Variants in CCDC142 observed in about 807,000 individuals in gnomAD.
The protein encoded by CCDC142 is coiled-coil domain containing 142.
In CCDC142, 67 loss-of-function variants were observed where a neutral mutation model predicts 83.8. That is an observed-to-expected ratio of 0.80 (90% CI 0.66 to 0.98). The LOEUF is 0.98. CCDC142 is among the 50% of genes least tolerant of loss of function. The pLI is 0.00. For missense variants in CCDC142, 905 were observed against 946.8 expected (o/e 0.96, Z 0.58); for synonymous variants, 421 against 421.2 (o/e 1.00, Z 0.01).
rs1168433806 is a variant in CCDC142 at position 74,473,478 on chromosome 2, G to C, written c.*1068C>G. Among the ~76,000 whole-genome samples, 1 of 151,098 alleles carries C rather than the reference G, an allele frequency of 6.6e-6. No homozygotes were observed. Among genetic ancestry groups the C allele is most frequent in the Non-Finnish European group, 1.5e-5 (1 of 67,738 alleles). ...TGGGACTACAGGCGCGTGCCACCAC[G>C]CCCGGCTAATTTTTTGTATTTTTAG... On this transcript the variant is annotated 3_prime_UTR_variant, in exon 9 of 9. Coordinates refer to ENST00000393965, the MANE Select transcript of CCDC142 (RefSeq NM_001365575.2).
In CCDC142 at chr2:74,475,282, A is replaced by T; in HGVS notation, c.1739T>A (p.Leu580Gln). Residue 580 changes from leucine (L) to glutamine (Q), a missense_variant, in exon 7 of 9, where the codon CTG becomes CAG. Transcript: ENST00000393965. ...AAGCCAGGCACCCACGATGGCCGTC[A>T]GAGCCTGACCAAGGGCAGGGGCCTG... ...QAQAPALGQA[L>Q]TAIVGAWLDH... is the part of the protein sequence containing the mutation. 6.2e-7 allele frequency: 1 copy of T among 1,614,270 alleles called. No individual in the cohort carries two copies. The highest frequency in any genetic ancestry group is 8.5e-7 in the Non-Finnish European group (1 of 1,180,044).
Position 74,482,445 on chromosome 2 carries a change from G to A in CCDC142, c.393C>T (p.Ser131=), listed in dbSNP as rs202133387. The part of the protein sequence containing the change: ...LMKTLSPGSP[S]GGPSPLPQWC... ...ACTGGGGCAAGGGGCTAGGGCCGCC[G>A]GATGGCGAGCCAGGACTCAGGGTCT... is the stretch of plus-strand genomic sequence containing the variant. Residue 131 remains serine, a synonymous_variant, in exon 1 of 9, where the codon TCC becomes TCT. Transcript: ENST00000393965. This position sits in a 1 kb window ranked among gnomAD's most constrained non-coding sequence, Gnocchi z 5.0. 8.1e-4 allele frequency: 1,260 copies of A among 1,553,472 alleles called. 2 individuals carry two copies. The highest frequency in any genetic ancestry group is 1.6e-3 in the Admixed American group (82 of 51,060).
chr2:74,478,748 C>T (rs1244080979), intron 5 of CCDC142, among the ~76,000 whole-genome samples: 3 of 150,962 alleles, frequency 2.0e-5, no homozygotes, highest in East Asian at 2.0e-4. Flanking sequence ...GGGCATTGGC[C>T]GGGTGTGGTG....
intron 5 of CCDC142, among the ~76,000 whole-genome samples, chr2:74,478,448 C>T (rs1348725563): frequency 6.6e-6 from 1 of 151,724 alleles, no homozygotes; most frequent in Non-Finnish European, 1.5e-5. Context: ...GCTATCTCGG[C>T]TCACTGCAAC....
chr2:74,478,182 C>G (rs1406891228), intron 5 of CCDC142, among the ~76,000 whole-genome samples: 1 of 150,570 alleles, frequency 6.6e-6, no homozygotes, highest in Non-Finnish European at 1.5e-5. Context: ...CTGCCTCAGC[C>G]TCCCGAGTAG....
chr2:74,480,882 G>A lies in CCDC142; in HGVS notation c.1390C>T (p.Pro464Ser), dbSNP rs769838239. 3.7e-6 allele frequency: 6 copies of A among 1,613,770 alleles called. No individual in the cohort carries two copies. In the South Asian group the frequency reaches 6.6e-5, roughly 18 times the overall value. The change falls in exon 5 of 9, where the codon CCT becomes TCT. Residue 464 changes from proline (P) to serine (S), a missense_variant and splice_region_variant. By Grantham distance (74) the Pro-to-Ser change is moderately conservative. Around this residue, in one of 3 missense-constraint regions of CCDC142, gnomAD observed 49 missense variants for 86.4 expected, o/e 0.57. Coordinates refer to ENST00000393965, the MANE Select transcript of CCDC142 (RefSeq NM_001365575.2). ...FLLLIQKDLPPLLHEAEALYS... is the reference protein window; with the variant it reads ...FLLLIQKDLPSLLHEAEALYS... ...AAAGCTTCTGCCTCATGCAACAGAGGCTTTGGGTGGAAACAGGGAGTGAGG... is the reference window on the plus strand; with the variant it reads ...AAAGCTTCTGCCTCATGCAACAGAGACTTTGGGTGGAAACAGGGAGTGAGG...
intron 5 of CCDC142, among the ~76,000 whole-genome samples, chr2:74,476,044 A>AACACACACACACACACACACAC (rs58719599): frequency 4.1e-5 from 4 of 97,698 alleles, no homozygotes; most frequent in African/African-American, 1.2e-4. Context: ...CCACCCCCGC[A>AACACACACACACACACACACAC]ACACACACAC....
rs1350844625 is a variant in CCDC142, at chr2:74,481,226, C to T, written c.1255G>A (p.Ala419Thr). 6.2e-7 allele frequency: 1 copy of T among 1,613,986 alleles called. No homozygotes were observed. Among genetic ancestry groups the T allele is most frequent in the East Asian group, 2.2e-5 (1 of 44,880 alleles). Residue 419 changes from alanine (A) to threonine (T), a missense_variant, in exon 3 of 9, where the codon GCA becomes ACA. Around this residue, in one of 3 missense-constraint regions of CCDC142, gnomAD observed 591 missense variants for 571.4 expected, o/e 1.03. Coordinates refer to ENST00000393965, the MANE Select transcript of CCDC142 (RefSeq NM_001365575.2). ...CAGCCCCAGCCCCTCGTCTCACCTGCAGGCTGGCAGAAAATCCGTCGTAAC... is the reference window on the plus strand; with the variant it reads ...CAGCCCCAGCCCCTCGTCTCACCTGTAGGCTGGCAGAAAATCCGTCGTAAC... Reference protein sequence around the residue: ...PRLRRIFCQPADPAPVALGLC... With the variant: ...PRLRRIFCQPTDPAPVALGLC...
In CCDC142 at chr2:74,475,307, G is replaced by A. The variant is rs747102564; in HGVS notation, c.1714C>T (p.Gln572Ter). 6.2e-6 allele frequency: 10 copies of A among 1,614,010 alleles called. No homozygotes were observed. In the African/African-American group the frequency reaches 1.2e-4, roughly 19 times the overall value. ...AGAGCCTGACCAAGGGCAGGGGCCT[G>A]GGCTTGAGGTGGCAACCCTTGCAAT... is the stretch of plus-strand genomic sequence containing the variant. The part of the protein sequence containing the change: ...QGLQGLPPQA[Q>*]APALGQALTA... Residue 572 changes from glutamine to a stop codon, truncating the protein, a stop_gained, in exon 7 of 9, where the codon CAG becomes TAG. Coordinates refer to ENST00000393965, the MANE Select transcript of CCDC142 (RefSeq NM_001365575.2). LOFTEE classifies it high-confidence loss of function.
chr2:74,481,436 G>A lies in CCDC142; in HGVS notation c.1108+16C>T, dbSNP rs1470875967. Reference sequence around the variant, plus strand: ...ACCTGGGACTTATGTCACCCCCAGTGCCCCTTCCTTCTCACCTTGGTCCCA... The same window carrying A: ...ACCTGGGACTTATGTCACCCCCAGTACCCCTTCCTTCTCACCTTGGTCCCA... On this transcript the variant is annotated intron_variant, in intron 2 of 8. Transcript: ENST00000393965. 1 of 1,614,010 alleles carries A rather than the reference G, an allele frequency of 6.2e-7. No individual in the cohort carries two copies. Among genetic ancestry groups the A allele is most frequent in the Non-Finnish European group, 8.5e-7 (1 of 1,179,920 alleles).
At chr2:74,478,997 G>A (rs924549811) in intron 5 of CCDC142, among the ~76,000 whole-genome samples, 1 of 148,446 alleles carries the variant, frequency 6.7e-6, no homozygotes, top group East Asian at 2.0e-4. Flanking sequence ...CTGCACTCCA[G>A]CCTGGGTGAC....
Position 74,473,298 on chromosome 2 carries a change from G to A in CCDC142, c.*1248C>T, listed in dbSNP as rs1257344584. 6.5e-6 allele frequency: 1 copy of A among 153,208 alleles called. No individual in the cohort carries two copies. The highest frequency in any genetic ancestry group is 6.5e-5 in the Admixed American group (1 of 15,450). 9.5% of individuals were successfully genotyped at this position (153,208 alleles called of 1,614,324 possible). ...CTCCATGAATTAGCGTAGCTCCCAGGACTTAAGTTGAAGTGCATTCTAGCC... is the reference window on the plus strand; with the variant it reads ...CTCCATGAATTAGCGTAGCTCCCAGAACTTAAGTTGAAGTGCATTCTAGCC... On this transcript the variant is annotated 3_prime_UTR_variant, in exon 9 of 9. Coordinates refer to ENST00000393965, the MANE Select transcript of CCDC142 (RefSeq NM_001365575.2).
chr2:74,482,748 C>G lies in CCDC142; in HGVS notation c.90G>C (p.Gln30His). The change falls in exon 1 of 9, where the codon CAG becomes CAC. Residue 30 changes from glutamine (Q) to histidine (H), a missense_variant. By Grantham distance (24) the Gln-to-His change is conservative. Around this residue, in one of 3 missense-constraint regions of CCDC142, gnomAD observed 591 missense variants for 571.4 expected, o/e 1.03. Coordinates refer to ENST00000393965, the MANE Select transcript of CCDC142 (RefSeq NM_001365575.2). The surrounding 1 kb of genome is among the most constrained non-coding windows in gnomAD (Gnocchi z 5.0). ...RAQPGGTGEE[Q>H]WERSRTGGLR... ...GACCGCCCGTTCGACTTCTCTCCCA[C>G]TGCTCCTCCCCAGTGCCCCCGGGTT... The G allele has an allele frequency of 1.2e-6, 2 of 1,602,374 alleles. No homozygotes were observed. Among genetic ancestry groups the G allele is most frequent in the African/African-American group, 1.3e-5 (1 of 75,068 alleles).
intron 5 of CCDC142, among the ~76,000 whole-genome samples, chr2:74,477,730 T>C (rs1672355101): frequency 6.6e-6 from 1 of 152,210 alleles, no homozygotes; most frequent in African/African-American, 2.4e-5. Flanking sequence ...ACCGTCACTG[T>C]GTGCAGTACT....
Sources: gnomAD v4.1 joint callset for allele counts (sites outside exome capture counted in the v4.1 genomes callset) on GRCh38, gnomAD v4.1.1 for gene constraint, gnomAD v4.1.1 regional missense constraint, Gnocchi (gnomAD v3.1) non-coding constraint, MANE v1.5 for transcripts, NCBI Gene and HGNC (gene_info 2026-07-23, HGNC 2026-07-21) for gene names.